PDE10A: variants seen among roughly 807,000 people sequenced by gnomAD.
PDE10A encodes the protein phosphodiesterase 10A.
Under a neutral mutation model 97.7 loss-of-function variants are expected in PDE10A, and 39 were observed. That is an observed-to-expected ratio of 0.40 (90% CI 0.31 to 0.52). PDE10A has a LOEUF of 0.52. Ranked by LOEUF, PDE10A falls within the 20% of genes least tolerant of loss-of-function variation. The probability of loss-of-function intolerance (pLI) is 0.56; values close to 1 mark genes in which losing one functional copy is unlikely to be tolerated. For missense variants in PDE10A, 731 were observed against 1,047.8 expected (o/e 0.70, Z 4.17); for synonymous variants, 371 against 376.8 (o/e 0.98, Z 0.18).
chr6:165,807,827 T>C (rs897100939), intron 1 of PDE10A, among the ~76,000 whole-genome samples: 1 of 152,140 alleles, frequency 6.6e-6, no homozygotes. Context: ...GCCTGAAGTT[T>C]GATTGTTTTT....
At chr6:165,396,571 A>G in intron 13 of PDE10A, 112 bp from the exon 14 acceptor site, 2 of 1,013,054 alleles carry the variant, frequency 2.0e-6, no homozygotes, top group Non-Finnish European at 1.4e-6. Flanking sequence ...ATTAAAACCA[A>G]AGTGGATTTA....
At chr6:165,610,040 C>T (rs1165617932) in intron 1 of PDE10A, among the ~76,000 whole-genome samples, 3 of 152,140 alleles carry the variant, frequency 2.0e-5, no homozygotes, top group Admixed American at 6.5e-5. Context: ...AAAAAGAGCC[C>T]GCTTTGCCAA....
At chr6:165,448,828 A>C in intron 5 of PDE10A, 100 bp downstream of exon 5, 3 of 718,944 alleles carry the variant, frequency 4.2e-6, no homozygotes, top group Non-Finnish European at 4.7e-6. Context: ...ATTTAAATGA[A>C]AAGTACTTAA....
intron 1 of PDE10A, among the ~76,000 whole-genome samples, chr6:165,782,540 A>G (rs545096714): frequency 2.2e-4 from 33 of 152,086 alleles, no homozygotes; most frequent in Non-Finnish European, 3.8e-4. Context: ...TGGTTTCACT[A>G]TTTTTCATTT....
chr6:165,396,580 T>G (rs1786181502), intron 13 of PDE10A, 121 bp from the exon 14 acceptor site: 2 of 927,822 alleles, frequency 2.2e-6, no homozygotes, highest in Admixed American at 2.7e-5. Flanking sequence ...AAAGTGGATT[T>G]ATTATTATCC....
intron 1 of PDE10A, among the ~76,000 whole-genome samples, chr6:165,784,422 G>C (rs2128462350): frequency 6.6e-6 from 1 of 151,976 alleles, no homozygotes; most frequent in South Asian, 2.1e-4. Flanking sequence ...TTCTACTAAG[G>C]GACCTTAGGA....
At chr6:165,560,765 CG>C (rs1784481660) in intron 1 of PDE10A, among the ~76,000 whole-genome samples, 1 of 152,098 alleles carries the variant, frequency 6.6e-6, no homozygotes, top group Non-Finnish European at 1.5e-5. Flanking sequence ...CAGGGGAGAA[CG>C]TCTATGCTTT....
chr6:165,650,013 G>C (rs1007886221), intron 1 of PDE10A, among the ~76,000 whole-genome samples: 3 of 152,194 alleles, frequency 2.0e-5, no homozygotes, highest in African/African-American at 7.2e-5. Context: ...ATAACCACAA[G>C]GGGTAGTGAT....
chr6:165,384,242 G>A (rs912465477), intron 17 of PDE10A, among the ~76,000 whole-genome samples: 4 of 152,106 alleles, frequency 2.6e-5, no homozygotes. Flanking sequence ...GAGATGTCAA[G>A]TAGGGATGGT....
intron 18 of PDE10A, among the ~76,000 whole-genome samples, chr6:165,373,911 A>G (rs544308116): frequency 4.2e-4 from 64 of 151,980 alleles, no homozygotes; most frequent in Middle Eastern, 3.4e-3. Context: ...ATAAAAAATG[A>G]TGAGTTCATG....
intron 1 of PDE10A, among the ~76,000 whole-genome samples, chr6:165,607,010 T>C (rs1299833360): frequency 6.6e-6 from 1 of 152,240 alleles, no homozygotes; most frequent in Non-Finnish European, 1.5e-5. Flanking sequence ...TATTCTGTTG[T>C]TACCTTGTCA....
intron 21 of PDE10A, among the ~76,000 whole-genome samples, chr6:165,334,612 CTT>C (rs1245763715): frequency 6.6e-6 from 1 of 152,186 alleles, no homozygotes; most frequent in Non-Finnish European, 1.5e-5. Context: ...TGATATCCCA[CTT>C]TCTCTTTAAT....
intron 3 of PDE10A, among the ~76,000 whole-genome samples, chr6:165,472,151 A>AT (rs1779051972): frequency 6.6e-6 from 1 of 151,764 alleles, no homozygotes; most frequent in Non-Finnish European, 1.5e-5. Flanking sequence ...TCTTTTCCTA[A>AT]TTTTTTCAGT....
At chr6:165,687,765 T>C (rs1303318471) in intron 1 of PDE10A, among the ~76,000 whole-genome samples, 1 of 152,174 alleles carries the variant, frequency 6.6e-6, no homozygotes, top group African/African-American at 2.4e-5. Flanking sequence ...CTAGAGAGGC[T>C]TTTACTTTTT....
intron 1 of PDE10A, among the ~76,000 whole-genome samples, chr6:165,770,998 G>A (rs973670430): frequency 3.9e-5 from 6 of 152,168 alleles, no homozygotes; most frequent in African/African-American, 7.2e-5. Flanking sequence ...GTGGGACGGA[G>A]CTCCATCCCT....
chr6:165,656,657 A>G (rs1395879278), intron 1 of PDE10A, among the ~76,000 whole-genome samples: 1 of 152,116 alleles, frequency 6.6e-6, no homozygotes, highest in African/African-American at 2.4e-5. Flanking sequence ...CCACCTGTCC[A>G]GGCTGTTTTC....
chr6:165,890,875 A>G (rs1781773029), intron 1 of PDE10A, among the ~76,000 whole-genome samples: 1 of 152,238 alleles, frequency 6.6e-6, no homozygotes. Flanking sequence ...AGGGATCCCT[A>G]CTGCGGTTCC....
intron 3 of PDE10A, among the ~76,000 whole-genome samples, chr6:165,471,954 G>A (rs1329467239): frequency 1.3e-5 from 2 of 151,854 alleles, no homozygotes; most frequent in African/African-American, 2.4e-5. Context: ...TTTCTCTTTT[G>A]TTTAATACAC....
intron 1 of PDE10A, chr6:165,947,337 T>C (rs1176446009): frequency 1.3e-5 from 2 of 152,256 alleles, no homozygotes; most frequent in African/African-American, 4.8e-5. Context: ...ATGCTTAAGT[T>C]GACAGTGGGT....
Sources: gnomAD v4.1 joint callset for allele counts (sites outside exome capture counted in the v4.1 genomes callset) on GRCh38, gnomAD v4.1.1 for gene constraint, MANE v1.5 for transcripts, NCBI Gene and HGNC (gene_info 2026-07-23, HGNC 2026-07-21) for gene names.